The following DMBX1 variants were observed in gnomAD, a reference collection of about 807,000 sequenced individuals.
The protein encoded by DMBX1 is diencephalon/mesencephalon homeobox 1.
In DMBX1, 7 loss-of-function variants were observed where a neutral mutation model predicts 30.4. That is an observed-to-expected ratio of 0.23 (90% CI 0.13 to 0.43). The LOEUF (loss-of-function observed/expected upper bound fraction) is 0.43, where lower values mean the gene tolerates loss of function less well. Ranked by LOEUF, DMBX1 falls within the 20% of genes least tolerant of loss-of-function variation. The probability of loss-of-function intolerance (pLI) is 1.00; values close to 1 mark genes in which losing one functional copy is unlikely to be tolerated. For missense variants in DMBX1, 460 were observed against 508.5 expected, an observed-to-expected ratio of 0.90 and a Z score of 0.92; for synonymous variants, 222 against 214.2, an observed-to-expected ratio of 1.04 and a Z score of -0.32.
chr1:46,496,976 C>G (rs1022643833), intron 2 of DMBX1, among the ~76,000 whole-genome samples: 3 of 152,194 alleles, frequency 2.0e-5, no homozygotes, highest in Admixed American at 2.0e-4. Context: ...TGGAGAACCT[C>G]CAGAGATAAA....
At position 46,512,655 on chromosome 1, in the gene DMBX1, GC is replaced by G; in HGVS notation, c.*164del. 1 of 772,786 alleles carries G rather than the reference GC, an allele frequency of 1.3e-6. No individual in the cohort carries two copies. The highest frequency in any genetic ancestry group is 2.0e-6 in the Non-Finnish European group (1 of 495,260). 47.9% of individuals were successfully genotyped at this position (772,786 alleles called of 1,614,324 possible). ...TCCCCATACCCCAGCCCGAGGTGAA[GC>G]CCACACCTACACACCCTCTGCATGG... On this transcript the variant is annotated 3_prime_UTR_variant, in exon 6 of 6. Transcript: ENST00000360032. The surrounding 1 kb of genome is among the most constrained non-coding windows in gnomAD (Gnocchi z 4.8).
rs1276808689 is a variant in DMBX1 at position 46,511,027 on chromosome 1, C to T, written c.426C>T (p.Ser142=). ...AGAAGCAGAAGGAGGCTGAGGGCTC[C>T]CATGGGGAAGGCAAGGCCGAGGCCC... is the stretch of plus-strand genomic sequence containing the variant. ...QLQKQKEAEG[S]HGEGKAEAPT... The change falls in exon 5 of 6, where the codon TCC becomes TCT. Residue 142 remains serine, a synonymous_variant. Coordinates refer to ENST00000360032, the MANE Select transcript of DMBX1 (RefSeq NM_172225.2). The T allele has an allele frequency of 2.5e-6, 4 of 1,613,976 alleles. No individual in the cohort carries two copies. The Admixed American group carries it at 6.7e-5, about 27-fold the overall frequency.
rs1161034517 is a variant in DMBX1, at chr1:46,512,267, A to G, written c.907A>G (p.Asn303Asp). The G allele has an allele frequency of 6.2e-7, 1 of 1,613,570 alleles. No individual in the cohort carries two copies. The highest frequency in any genetic ancestry group is 8.5e-7 in the Non-Finnish European group (1 of 1,179,858). ...TGCTGCTGTGCCCTACCTGGGCGTC[A>G]ACATGGCCCCGCTGGGCTCACTGCA... ...AAAAVPYLGV[N>D]MAPLGSLHCQ... The change falls in exon 6 of 6, where the codon AAC (asparagine) becomes GAC (aspartate). Residue 303 changes from asparagine to aspartate, a missense_variant. Coordinates refer to ENST00000360032, the MANE Select transcript of DMBX1 (RefSeq NM_172225.2). This position sits in a 1 kb window ranked among gnomAD's most constrained non-coding sequence, Gnocchi z 4.8.
At chr1:46,494,707 G>C (rs1379472852) in intron 2 of DMBX1, among the ~76,000 whole-genome samples, 1 of 152,168 alleles carries the variant, frequency 6.6e-6, no homozygotes, top group Non-Finnish European at 1.5e-5. Flanking sequence ...ATGAAGTCCA[G>C]CACCTCTTCC....
intron 2 of DMBX1, among the ~76,000 whole-genome samples, chr1:46,495,491 G>A (rs1281652683): frequency 1.3e-5 from 2 of 152,138 alleles, no homozygotes; most frequent in African/African-American, 4.8e-5. Context: ...GTCAAATGGG[G>A]ATTATGAGGT....
At chr1:46,497,600 G>A (rs74227916) in intron 2 of DMBX1, among the ~76,000 whole-genome samples, 1 of 152,156 alleles carries the variant, frequency 6.6e-6, no homozygotes. Context: ...CCCAAGGAAA[G>A]GTCCACTTTC....
At position 46,515,864 on chromosome 1, in the gene DMBX1, A is replaced by T. The variant is rs6429601; in HGVS notation, c.*3370A>T. On this transcript the variant is annotated 3_prime_UTR_variant, in exon 6 of 6. Transcript: ENST00000360032. ...ATGCCTGGCCTCTCCCTGCTGTCTG[A>T]GTCTCCATTTCTCTGTTTCCTCACT... Among the ~76,000 whole-genome samples, 3 of 152,034 alleles carry T rather than the reference A, an allele frequency of 2.0e-5. No homozygotes were observed. The highest frequency in any genetic ancestry group is 4.4e-5 in the Non-Finnish European group (3 of 67,992).
intron 3 of DMBX1, 112 bp downstream of exon 3, chr1:46,507,276 A>C: frequency 7.3e-7 from 1 of 1,365,784 alleles, no homozygotes; most frequent in Non-Finnish European, 9.9e-7. Context: ...TAGGGGGCTC[A>C]AAAAGACTCA....
rs1306974017 is a variant in DMBX1 at position 46,512,794 on chromosome 1, C to T, written c.*300C>T. On this transcript the variant is annotated 3_prime_UTR_variant, in exon 6 of 6. Coordinates refer to ENST00000360032, the MANE Select transcript of DMBX1 (RefSeq NM_172225.2). This position sits in a 1 kb window ranked among gnomAD's most constrained non-coding sequence, Gnocchi z 4.8. ...CCTGGCTAGATCCTCATCTCAATAG[C>T]ACCTCCTCCCTTTTCTCCCTATCCT... is the stretch of plus-strand genomic sequence containing the variant. The T allele has an allele frequency of 2.4e-6, 1 of 412,644 alleles. No homozygotes were observed. Among genetic ancestry groups the T allele is most frequent in the Non-Finnish European group, 4.3e-6 (1 of 231,200 alleles). 25.6% of individuals were successfully genotyped at this position (412,644 alleles called of 1,614,324 possible).
chr1:46,510,033 G>A lies in DMBX1; in HGVS notation c.155-443G>A, dbSNP rs1047994349. ...GCCCAGCCTGGCTTCTCATGGGCAG[G>A]GACCAGTACTCTGATGCTAAAGAAG... On this transcript the variant is annotated intron_variant, in intron 3 of 5. Coordinates refer to ENST00000360032, the MANE Select transcript of DMBX1 (RefSeq NM_172225.2). This position sits in a 1 kb window ranked among gnomAD's most constrained non-coding sequence, Gnocchi z 4.1. Among the ~76,000 whole-genome samples, 1 of 152,114 alleles carries A rather than the reference G, an allele frequency of 6.6e-6. No individual in the cohort carries two copies. The highest frequency in any genetic ancestry group is 1.5e-5 in the Non-Finnish European group (1 of 68,024).
At position 46,489,862 on chromosome 1, in the gene DMBX1, G is replaced by T. The variant is rs1216648701; in HGVS notation, c.-168G>T. Among the ~76,000 whole-genome samples the T allele has an allele frequency of 1.3e-5, 2 of 152,126 alleles. No homozygotes were observed. The highest frequency in any genetic ancestry group is 4.8e-5 in the African/African-American group (2 of 41,424). On this transcript the variant is annotated 5_prime_UTR_variant, in exon 1 of 6. Coordinates refer to ENST00000360032, the MANE Select transcript of DMBX1 (RefSeq NM_172225.2). ...TAGATGGCAGCGGAGGCGGCGGCGC[G>T]GGCCGGGGTGACCAGGTACGAGCGG...
rs1344395138 is a variant in DMBX1, at chr1:46,493,025, T to C, written c.-13+2242T>C. Reference sequence around the variant, plus strand: ...TCTCTCCAGGCCTCGAAGTTACTCCTCCTCCTCCGGCCAGTCCCAGTTCCT... The same window carrying C: ...TCTCTCCAGGCCTCGAAGTTACTCCCCCTCCTCCGGCCAGTCCCAGTTCCT... On this transcript the variant is annotated intron_variant, in intron 2 of 5. Coordinates refer to ENST00000360032, the MANE Select transcript of DMBX1 (RefSeq NM_172225.2). The surrounding 1 kb of genome is among the most constrained non-coding windows in gnomAD (Gnocchi z 4.1). Among the ~76,000 whole-genome samples, 1 of 151,884 alleles carries C rather than the reference T, an allele frequency of 6.6e-6. No individual in the cohort carries two copies. The highest frequency in any genetic ancestry group is 2.4e-5 in the African/African-American group (1 of 41,314).
chr1:46,497,930 G>A (rs956724979), intron 2 of DMBX1, among the ~76,000 whole-genome samples: 44 of 152,224 alleles, frequency 2.9e-4, no homozygotes, highest in Non-Finnish European at 4.0e-4. Flanking sequence ...GCCAGGAATT[G>A]CGGGGCGGCA....
At position 46,491,812 on chromosome 1, in the gene DMBX1, T is replaced by G. The variant is rs934752956; in HGVS notation, c.-13+1029T>G. 1.3e-5 allele frequency among the ~76,000 whole-genome samples: 2 copies of G among 152,192 alleles called. No homozygotes were observed. The highest frequency in any genetic ancestry group is 4.8e-5 in the African/African-American group (2 of 41,442). On this transcript the variant is annotated intron_variant, in intron 2 of 5. Coordinates refer to ENST00000360032, the MANE Select transcript of DMBX1 (RefSeq NM_172225.2). This position sits in a 1 kb window ranked among gnomAD's most constrained non-coding sequence, Gnocchi z 5.5. ...GTTCTCCCCTCGAATGGAAAGGCAC[T>G]CTGGCCTAAGGACGAATGAATTTAG... is the stretch of plus-strand genomic sequence containing the variant.
Position 46,512,898 on chromosome 1 carries a change from T to C in DMBX1, c.*404T>C. On this transcript the variant is annotated 3_prime_UTR_variant, in exon 6 of 6. Transcript: ENST00000360032. The surrounding 1 kb of genome is among the most constrained non-coding windows in gnomAD (Gnocchi z 4.8). ...AAAGCTATATTTTCAGGCTCCTGCC[T>C]GCCCCAGGCCCCCTGCCCCACTCCC... 1 of 167,586 alleles carries C rather than the reference T, an allele frequency of 6.0e-6. No individual in the cohort carries two copies. Among genetic ancestry groups the C allele is most frequent in the Non-Finnish European group, 1.3e-5 (1 of 77,676 alleles). 10.4% of individuals were successfully genotyped at this position (167,586 alleles called of 1,614,324 possible).
At chr1:46,507,877 G>A (rs1569894009) in intron 3 of DMBX1, among the ~76,000 whole-genome samples, 2 of 152,298 alleles carry the variant, frequency 1.3e-5, no homozygotes, top group African/African-American at 4.8e-5. Context: ...TGGTTGGGAG[G>A]TGATTTGTGA....
chr1:46,510,982 C>A lies in DMBX1; in HGVS notation c.381C>A (p.Ser127Arg). 3 of 1,613,112 alleles carry A rather than the reference C, an allele frequency of 1.9e-6. No homozygotes were observed. In the South Asian group the frequency reaches 3.3e-5, roughly 18 times the overall value. ...RRAKFRKKQR[S>R]LQKEQLQKQK... ...CCAAGTTCCGGAAGAAGCAGCGTAG[C>A]CTGCAGAAGGAACAGCTCCAGAAGC... is the stretch of plus-strand genomic sequence containing the variant. Residue 127 changes from serine (S) to arginine (R), a missense_variant, in exon 5 of 6, where the codon AGC (serine) becomes AGA (arginine). This residue lies in a region of DMBX1 where 334 missense variants were observed against 345.1 expected (regional missense o/e 0.97). Coordinates refer to ENST00000360032, the MANE Select transcript of DMBX1 (RefSeq NM_172225.2). This position sits in a 1 kb window ranked among gnomAD's most constrained non-coding sequence, Gnocchi z 4.1.
At chr1:46,509,288 G>A (rs1232257261) in intron 3 of DMBX1, among the ~76,000 whole-genome samples, 2 of 152,124 alleles carry the variant, frequency 1.3e-5, no homozygotes, top group East Asian at 3.9e-4. Flanking sequence ...TGGCCAGGCT[G>A]GTCTCGAACT....
intron 2 of DMBX1, among the ~76,000 whole-genome samples, chr1:46,494,415 G>A (rs1665989445): frequency 6.6e-6 from 1 of 152,202 alleles, no homozygotes; most frequent in East Asian, 1.9e-4. Flanking sequence ...CTCAGTCTCG[G>A]CCCATTAGCC....
Sources: gnomAD v4.1 joint callset for allele counts (sites outside exome capture counted in the v4.1 genomes callset) on GRCh38, gnomAD v4.1.1 for gene constraint, gnomAD v4.1.1 regional missense constraint, Gnocchi (gnomAD v3.1) non-coding constraint, MANE v1.5 for transcripts, NCBI Gene and HGNC (gene_info 2026-07-23, HGNC 2026-07-21) for gene names.